SLC8A1: variants seen among roughly 807,000 people sequenced by gnomAD.
SLC8A1 encodes solute carrier family 8 member A1, also known as sodium/calcium exchanger 1.
A neutral mutation model predicts 68.3 loss-of-function variants in SLC8A1; 18 were observed. That is an observed-to-expected ratio of 0.26 (90% confidence interval 0.18 to 0.39). The LOEUF (loss-of-function observed/expected upper bound fraction) is 0.39, where lower values mean the gene tolerates loss of function less well. Ranked by LOEUF, SLC8A1 falls within the 10% of genes least tolerant of loss-of-function variation. SLC8A1 has a pLI of 1.00. For synonymous variants in SLC8A1, 475 were observed against 415.5 expected, an observed-to-expected ratio of 1.14 and a Z score of -1.74; for missense variants, 985 against 1,156.7, an observed-to-expected ratio of 0.85 and a Z score of 2.15.
At chr2:40,252,107 CTCTTTTAATTTTCA>C (rs1267448032) in intron 2 of SLC8A1, among the ~76,000 whole-genome samples, 6 of 152,066 alleles carry the variant, frequency 3.9e-5, no homozygotes, top group Admixed American at 1.3e-4. Flanking sequence ...ATTATTTTCC[CTCTTTTAATTTTCA>C]TCTCCAAATT....
chr2:40,508,374 A>G (rs796732538), intron 1 of SLC8A1, among the ~76,000 whole-genome samples: 13 of 152,052 alleles, frequency 8.5e-5, no homozygotes, highest in African/African-American at 1.9e-4. Context: ...AAATCTAAAA[A>G]AAAGATTTTC....
At chr2:40,391,904 C>G (rs60088469) in intron 2 of SLC8A1, among the ~76,000 whole-genome samples, 1 of 152,068 alleles carries the variant, frequency 6.6e-6, no homozygotes, top group Non-Finnish European at 1.5e-5. Context: ...GCCCCACTGA[C>G]TAAATGTCCT....
At chr2:40,115,181 C>T (rs2035091872) in exon 8 of SLC8A1, 8 of 1,087,954 alleles carry the variant, frequency 7.4e-6, no homozygotes, top group Non-Finnish European at 9.7e-6. Flanking sequence ...ATGTCAGTTT[C>T]CTCTGTCCAT....
chr2:40,329,955 AG>A, intron 2 of SLC8A1, among the ~76,000 whole-genome samples: 1 of 152,144 alleles, frequency 6.6e-6, no homozygotes, highest in East Asian at 1.9e-4. Flanking sequence ...TGTAATAAAA[AG>A]GGGGGGAAAA....
intron 2 of SLC8A1, among the ~76,000 whole-genome samples, chr2:40,322,340 G>T (rs190399378): frequency 6.6e-6 from 1 of 151,638 alleles, no homozygotes; most frequent in African/African-American, 2.4e-5. Context: ...TGAAGGAAAA[G>T]GACACCATAA....
At chr2:40,428,423 CCACACA>C (rs3838567) in intron 2 of SLC8A1, 44 bp downstream of exon 2, 28,285 of 1,235,356 alleles carry the variant, frequency 0.023, 61 homozygotes, top group African/African-American at 0.056. Flanking sequence ...ACACACTGAA[CCACACA>C]CACACACACA....
chr2:40,411,278 A>T (rs1692051673), intron 2 of SLC8A1, among the ~76,000 whole-genome samples: 1 of 152,082 alleles, frequency 6.6e-6, no homozygotes, highest in African/African-American at 2.4e-5. Flanking sequence ...CACTTTGCAC[A>T]CAGCATACAC....
At chr2:40,484,052 T>C (rs1184177726) in intron 1 of SLC8A1, among the ~76,000 whole-genome samples, 1 of 152,194 alleles carries the variant, frequency 6.6e-6, no homozygotes, top group Non-Finnish European at 1.5e-5. Context: ...TTAAAAAGGT[T>C]CCAATGCATA....
intron 2 of SLC8A1, among the ~76,000 whole-genome samples, chr2:40,199,757 A>C (rs574940329): frequency 3.3e-5 from 5 of 151,830 alleles, no homozygotes; most frequent in Admixed American, 2.0e-4. Context: ...CTGATTCTAC[A>C]TGATAATTGA....
At chr2:40,386,739 G>GATGAGCATTGGTT (rs1419384575) in intron 2 of SLC8A1, among the ~76,000 whole-genome samples, 1 of 150,724 alleles carries the variant, frequency 6.6e-6, no homozygotes, top group Non-Finnish European at 1.5e-5. Context: ...ACCCATGATG[G>GATGAGCATTGGTT]ATGAGCATTG....
chr2:40,225,306 A>C (rs72794752), intron 2 of SLC8A1, among the ~76,000 whole-genome samples: 1 of 152,292 alleles, frequency 6.6e-6, no homozygotes, highest in Non-Finnish European at 1.5e-5. Context: ...TAAAATGATA[A>C]ACAGTATCTC....
At chr2:40,321,233 C>T (rs1292779544) in intron 2 of SLC8A1, among the ~76,000 whole-genome samples, 1 of 151,940 alleles carries the variant, frequency 6.6e-6, no homozygotes, top group East Asian at 1.9e-4. Flanking sequence ...ACTTTAGCAT[C>T]TCATGGACAA....
chr2:40,254,773 C>A (rs567244264), intron 2 of SLC8A1: 1 of 152,298 alleles, frequency 6.6e-6, no homozygotes, highest in East Asian at 1.9e-4. Context: ...GGTTTCTGTT[C>A]ATTTTCACAA....
chr2:40,209,473 G>A (rs1275647012), intron 2 of SLC8A1, among the ~76,000 whole-genome samples: 2 of 152,156 alleles, frequency 1.3e-5, no homozygotes, highest in East Asian at 1.9e-4. Context: ...CATGGGCCAT[G>A]TAGACTCTTG....
chr2:40,192,314 T>C (rs2148654427), intron 2 of SLC8A1, among the ~76,000 whole-genome samples: 1 of 152,156 alleles, frequency 6.6e-6, no homozygotes, highest in East Asian at 1.9e-4. Context: ...GTTTTCTGTG[T>C]GAATGAAAAA....
At chr2:40,112,658 C>CAA (rs56384807) in exon 8 of SLC8A1, 57,713 of 141,422 alleles carry the variant, frequency 0.41, 11,944 homozygotes, top group East Asian at 0.76. Context: ...TAGCAATTCT[C>CAA]AAAAAAAAAA....
At chr2:40,309,001 T>A (rs1258988526) in intron 2 of SLC8A1, among the ~76,000 whole-genome samples, 3 of 152,162 alleles carry the variant, frequency 2.0e-5, no homozygotes, top group African/African-American at 7.2e-5. Context: ...ATGTTGAAAT[T>A]GCATTCATGC....
intron 2 of SLC8A1, among the ~76,000 whole-genome samples, chr2:40,351,803 G>A (rs1355780228): frequency 6.6e-6 from 1 of 152,102 alleles, no homozygotes; most frequent in East Asian, 1.9e-4. Context: ...TGTAGAGATG[G>A]TAGGAATGAA....
chr2:40,215,712 T>C (rs1001691065), intron 2 of SLC8A1, among the ~76,000 whole-genome samples: 27 of 149,468 alleles, frequency 1.8e-4, no homozygotes, highest in African/African-American at 6.4e-4. Flanking sequence ...CCCAGGCTGG[T>C]CTTGAACTCC....
Sources: allele counts gnomAD v4.1 joint callset (sites outside exome capture counted in the v4.1 genomes callset), GRCh38; gene constraint gnomAD v4.1.1; transcripts MANE v1.5; gene names NCBI Gene and HGNC (gene_info 2026-07-23, HGNC 2026-07-21).